The following RGS4 variants were observed in gnomAD, a reference collection of about 807,000 sequenced individuals.
RGS4 encodes the protein regulator of G protein signaling 4, also known as schizophrenia disorder 9.
RGS4 carries 15 observed loss-of-function variants against 21.6 expected under a neutral mutation model. That is an observed-to-expected ratio of 0.69 (90% CI 0.46 to 1.07). RGS4 has a LOEUF of 1.07. Ranked by LOEUF, RGS4 falls within the 50% of genes least tolerant of loss-of-function variation. RGS4 has a pLI of 0.00. For synonymous variants in RGS4, 94 were observed against 85.5 expected (o/e 1.10, Z -0.55); for missense variants, 237 against 239.0 (o/e 0.99, Z 0.06).
chr1:163,073,000 C>A, intron 3 of RGS4, 134 bp downstream of exon 3: 1 of 688,130 alleles, frequency 1.5e-6, no homozygotes, highest in South Asian at 2.2e-5. Context: ...GTCTTAAATT[C>A]AGTCTGTTTA....
At chr1:163,071,405 T>A (rs1477406000) in intron 1 of RGS4, among the ~76,000 whole-genome samples, 1 of 152,184 alleles carries the variant, frequency 6.6e-6, no homozygotes, top group African/African-American at 2.4e-5. Flanking sequence ...ACACATTTAG[T>A]TATTCATTTC....
In RGS4 at chr1:163,076,560, C is replaced by T. The variant is rs1655507812; in HGVS notation, c.*2000C>T. 1 of 152,530 alleles carries T rather than the reference C, an allele frequency of 6.6e-6. No homozygotes were observed. The highest frequency in any genetic ancestry group is 1.5e-5 in the Non-Finnish European group (1 of 68,028). 9.4% of individuals were successfully genotyped at this position (152,530 alleles called of 1,614,324 possible). ...TCTTACTAATAGGTCTGGAAGGTCA[C>T]GCTGAATGAGAAGTAAATTATTTTA... is the stretch of plus-strand genomic sequence containing the variant. On this transcript the variant is annotated 3_prime_UTR_variant, in exon 5 of 5. Coordinates refer to ENST00000367909, the MANE Select transcript of RGS4 (RefSeq NM_005613.6).
upstream of RGS4, chr1:163,068,974 A>G: frequency 1.9e-6 from 3 of 1,607,600 alleles, no homozygotes; most frequent in Non-Finnish European, 2.5e-6. Context: ...GAGGAAAGGC[A>G]TTGGGAGTCA....
Position 163,074,557 on chromosome 1 carries a change from C to T in RGS4, c.615C>T (p.Ala205=). The T allele has an allele frequency of 6.2e-7, 1 of 1,613,880 alleles. No homozygotes were observed. The highest frequency in any genetic ancestry group is 8.5e-7 in the Non-Finnish European group (1 of 1,179,878). ...ADCASLVPQC[A] ...GTGCTTCCCTGGTCCCTCAGTGTGC[C>T]TAATTCTCACCTGAAGGCAGAGGGA... The change falls in exon 5 of 5, where the codon GCC becomes GCT. Residue 205 remains alanine, a synonymous_variant. Coordinates refer to ENST00000367909, the MANE Select transcript of RGS4 (RefSeq NM_005613.6).
Position 163,073,606 on chromosome 1 carries a change from T to C in RGS4, c.362T>C (p.Val121Ala). ...AAGATCTATAATGAATTCATCTCAG[T>C]CCAGGCAACCAAAGAGGTAGGTTTT... ...AKKIYNEFIS[V>A]QATKEVNLDS... The change falls in exon 4 of 5, where the codon GTC becomes GCC. Residue 121 changes from valine to alanine, a missense_variant. Physicochemically the swap from Val to Ala is moderately conservative, Grantham distance 64 (BLOSUM62 0). Transcript: ENST00000367909. The C allele has an allele frequency of 1.3e-6, 2 of 1,595,578 alleles. No homozygotes were observed. The highest frequency in any genetic ancestry group is 1.7e-6 in the Non-Finnish European group (2 of 1,175,272).
chr1:163,070,015 T>C (rs960767628), intron 1 of RGS4, among the ~76,000 whole-genome samples: 1 of 152,174 alleles, frequency 6.6e-6, no homozygotes, highest in Non-Finnish European at 1.5e-5. Flanking sequence ...GCAGTAACTT[T>C]CACTCTCTAT....
chr1:163,074,191 A>G (rs939673729), intron 4 of RGS4, 130 bp from the exon 5 acceptor site: 7 of 1,138,436 alleles, frequency 6.1e-6, no homozygotes, highest in Non-Finnish European at 8.9e-6. Context: ...GGAGGACCCC[A>G]ATGTCACTTT....
intron 4 of RGS4, chr1:163,073,830 A>G: frequency 2.0e-6 from 1 of 489,192 alleles, no homozygotes; most frequent in Middle Eastern, 5.4e-4. Context: ...TAACTATATC[A>G]CCCTAATGTG....
At chr1:163,069,217 T>C (rs1012493978), upstream of RGS4, 2 of 1,533,292 alleles carry the variant, frequency 1.3e-6, no homozygotes, top group Non-Finnish European at 1.8e-6. Context: ...TTAACATTGC[T>C]GATGCGTCAG....
At position 163,075,390 on chromosome 1, in the gene RGS4, A is replaced by G. The variant is rs1655463429; in HGVS notation, c.*830A>G. On this transcript the variant is annotated 3_prime_UTR_variant, in exon 5 of 5. Coordinates refer to ENST00000367909, the MANE Select transcript of RGS4 (RefSeq NM_005613.6). ...AGCCTCCACCTTGAGCACTATTCTA[A>G]GGAGCAAATACCTTAGCTCCCTTGA... The G allele has an allele frequency of 6.6e-6, 1 of 152,206 alleles. No homozygotes were observed. The highest frequency in any genetic ancestry group is 1.5e-5 in the Non-Finnish European group (1 of 68,088). 9.4% of individuals were successfully genotyped at this position (152,206 alleles called of 1,614,324 possible).
chr1:163,073,805 A>C (rs889731506), intron 4 of RGS4, 183 bp downstream of exon 4: 1 of 529,798 alleles, frequency 1.9e-6, no homozygotes, highest in Non-Finnish European at 3.3e-6. Flanking sequence ...CTTAAAATAT[A>C]CAATAAACTA....
chr1:163,072,229 C>CAA lies in RGS4; in HGVS notation c.45-166_45-165insAA, dbSNP rs1655341927. On this transcript the variant is annotated intron_variant, in intron 1 of 4. Coordinates refer to ENST00000367909, the MANE Select transcript of RGS4 (RefSeq NM_005613.6). ...AGGTTTTGTAGCAAGTCATAGGGAA[C>CAA]CAAGAGGAATCTTGTTTTCCTCAGA... 6 of 521,214 alleles carry CAA rather than the reference C, an allele frequency of 1.2e-5. No individual in the cohort carries two copies. In the Admixed American group the frequency reaches 2.7e-4, roughly 23 times the overall value. 32.3% of individuals were successfully genotyped at this position (521,214 alleles called of 1,614,324 possible).
upstream of RGS4, chr1:163,069,249 CAGGG>C: frequency 1.3e-6 from 2 of 1,547,210 alleles, no homozygotes; most frequent in Non-Finnish European, 8.7e-7. Context: ...TCATCTCTTT[CAGGG>C]GCTGGAGAGG....
At chr1:163,071,973 C>T in intron 1 of RGS4, 1 of 985,376 alleles carries the variant, frequency 1.0e-6, no homozygotes, top group Non-Finnish European at 1.2e-6. Context: ...AATCACCTGC[C>T]AGAAGGTGGC....
Position 163,075,003 on chromosome 1 carries a change from T to C in RGS4, c.*443T>C. On this transcript the variant is annotated 3_prime_UTR_variant, in exon 5 of 5. Coordinates refer to ENST00000367909, the MANE Select transcript of RGS4 (RefSeq NM_005613.6). ...TTGAGCTATGATATGTGCTTGTGTG[T>C]ATGTCTATGTGTATATATTATATAT... The C allele has an allele frequency of 2.6e-6, 1 of 382,182 alleles. No homozygotes were observed. 23.7% of individuals were successfully genotyped at this position (382,182 alleles called of 1,614,324 possible).
At position 163,072,876 on chromosome 1, in the gene RGS4, A is replaced by G; in HGVS notation, c.211+10A>G. Reference sequence around the variant, plus strand: ...CTGATTAGTCATGAATGTAAGTCTGACAGCAACCTGGGATGAGGTACTCTG... The same window carrying G: ...CTGATTAGTCATGAATGTAAGTCTGGCAGCAACCTGGGATGAGGTACTCTG... On this transcript the variant is annotated intron_variant, in intron 3 of 4. Transcript: ENST00000367909. The G allele has an allele frequency of 1.2e-6, 2 of 1,611,024 alleles. No individual in the cohort carries two copies.
chr1:163,069,331 T>C, upstream of RGS4: 1 of 1,552,030 alleles, frequency 6.4e-7, no homozygotes. Context: ...GTAGCTGGGC[T>C]ATAAAAGAGA....
Position 163,072,465 on chromosome 1 carries a change from CACA to C in RGS4, c.120_122del (p.Asn40del). On this transcript the variant is annotated inframe_deletion, in exon 2 of 5. Transcript: ENST00000367909. ...TGATTCCTGTGAACACAATTCTTCC[CACA>C]ACAAGAAGGACAAAGTGGTTATTTG... is the stretch of plus-strand genomic sequence containing the variant. The C allele has an allele frequency of 6.2e-7, 1 of 1,613,058 alleles. No homozygotes were observed. Among genetic ancestry groups the C allele is most frequent in the East Asian group, 2.2e-5 (1 of 44,758 alleles).
intron 1 of RGS4, 101 bp downstream of exon 1, chr1:163,069,629 C>G: frequency 1.0e-6 from 1 of 974,324 alleles, no homozygotes; most frequent in Non-Finnish European, 1.5e-6. Context: ...CAATTAGAAA[C>G]AGTGTGGTCA....
Sources: allele counts gnomAD v4.1 joint callset (sites outside exome capture counted in the v4.1 genomes callset), GRCh38; gene constraint gnomAD v4.1.1; transcripts MANE v1.5; gene names NCBI Gene and HGNC (gene_info 2026-07-23, HGNC 2026-07-21).